Variants in DSC3 observed in about 807,000 individuals in gnomAD.
DSC3 encodes desmocollin-3.
A neutral mutation model predicts 89.5 loss-of-function variants in DSC3; 97 were observed. That is an observed-to-expected ratio of 1.08 (90% CI 0.92 to 1.28). The LOEUF (loss-of-function observed/expected upper bound fraction) is 1.28. DSC3 is among the 50% of genes most tolerant of loss of function. The pLI is 0.00. For synonymous variants in DSC3, 436 were observed against 384.1 expected (o/e 1.14, Z -1.58); for missense variants, 1,199 against 1,085.3 (o/e 1.10, Z -1.47).
In DSC3 at chr18:31,036,798, C is replaced by CTTTTTTTTTTTTTTTTTTTTTTTTTTTT. The variant is rs775187201; in HGVS notation, c.70-4523_70-4522insAAAAAAAAAAAAAAAAAAAAAAAAAAAA. On this transcript the variant is annotated intron_variant, in intron 1 of 15. Coordinates refer to ENST00000360428, the MANE Select transcript of DSC3 (RefSeq NM_001941.5). ...TATTTCCTTTTTGCTTTCTTTCTTC[C>CTTTTTTTTTTTTTTTTTTTTTTTTTTTT]TTTTTTTTTTTTGAGATGGAATCTT... Among the ~76,000 whole-genome samples the CTTTTTTTTTTTTTTTTTTTTTTTTTTTT allele has an allele frequency of 2.8e-4, 30 of 107,424 alleles. 1 individual carries two copies. Among genetic ancestry groups the CTTTTTTTTTTTTTTTTTTTTTTTTTTTT allele is most frequent in the East Asian group, 4.6e-4 (1 of 2,166 alleles). 70.5% of individuals were successfully genotyped at this position (107,424 alleles called of 152,430 possible). A position where few individuals can be genotyped will look rare whatever the true frequency, so the allele number is the denominator to read the frequency against.
intron 1 of DSC3, among the ~76,000 whole-genome samples, chr18:31,041,516 T>C (rs1598557445): frequency 6.6e-6 from 1 of 152,290 alleles, no homozygotes; most frequent in African/African-American, 2.4e-5. Flanking sequence ...CAGGAAGCAG[T>C]AAGAATCCGC....
rs1383662002 is a variant in DSC3 at position 30,989,817 on chromosome 18, T to C, written c.*4358A>G. Among the ~76,000 whole-genome samples, 2 of 152,144 alleles carry C rather than the reference T, an allele frequency of 1.3e-5. No individual in the cohort carries two copies. Among genetic ancestry groups the C allele is most frequent in the Non-Finnish European group, 2.9e-5 (2 of 68,020 alleles). On this transcript the variant is annotated 3_prime_UTR_variant, in exon 16 of 16. Coordinates refer to ENST00000360428, the MANE Select transcript of DSC3 (RefSeq NM_001941.5). ...TAAACTGTCTAAGCTGGTATTAACC[T>C]TTTTCTTAAATTAAAAATGTTATCA...
At chr18:31,032,597 C>CGT (rs1234765073) in intron 1 of DSC3, among the ~76,000 whole-genome samples, 2 of 116,178 alleles carry the variant, frequency 1.7e-5, no homozygotes, top group Non-Finnish European at 3.5e-5. Context: ...TGTGCGTGTG[C>CGT]GTGTGCGTGT....
chr18:31,038,272 A>T (rs1394997798), intron 1 of DSC3, among the ~76,000 whole-genome samples: 2 of 152,230 alleles, frequency 1.3e-5, no homozygotes, highest in African/African-American at 2.4e-5. Flanking sequence ...CATAAAGTAC[A>T]TTGTTCCATA....
Position 31,022,517 on chromosome 18 carries a change from A to C in DSC3, c.776-15T>G. 1 of 1,613,920 alleles carries C rather than the reference A, an allele frequency of 6.2e-7. No individual in the cohort carries two copies. The highest frequency in any genetic ancestry group is 8.5e-7 in the Non-Finnish European group (1 of 1,179,826). ...CACTGTAGTACCTACACATTAAAAA[A>C]TAAAACAGCCTTTAATTTACAGAAT... On this transcript the variant is annotated splice_polypyrimidine_tract_variant and intron_variant, in intron 6 of 15. Transcript: ENST00000360428.
chr18:31,007,532 C>T (rs189346231), intron 11 of DSC3, among the ~76,000 whole-genome samples: 1 of 152,170 alleles, frequency 6.6e-6, no homozygotes, highest in African/African-American at 2.4e-5. Flanking sequence ...GGCTCCACAA[C>T]CGGATATTCT....
intron 5 of DSC3, 114 bp downstream of exon 5, chr18:31,025,646 C>G (rs1237853204): frequency 1.0e-5 from 12 of 1,175,570 alleles, no homozygotes; most frequent in Admixed American, 8.9e-5. Context: ...CCCATTGACT[C>G]TAAGATACCC....
chr18:31,040,033 C>G (rs1986084335), intron 1 of DSC3, among the ~76,000 whole-genome samples: 1 of 152,040 alleles, frequency 6.6e-6, no homozygotes, highest in African/African-American at 2.4e-5. Context: ...AAAAACATCA[C>G]AAGTTTTTCT....
intron 9 of DSC3, among the ~76,000 whole-genome samples, chr18:31,012,786 G>A (rs781712082): frequency 2.0e-4 from 30 of 152,072 alleles, no homozygotes; most frequent in Non-Finnish European, 2.9e-4. Flanking sequence ...TTATAGAAAA[G>A]GAAAAACTAT....
At chr18:31,025,418 T>A (rs1280866378) in intron 5 of DSC3, among the ~76,000 whole-genome samples, 1 of 152,088 alleles carries the variant, frequency 6.6e-6, no homozygotes, top group African/African-American at 2.4e-5. Context: ...ACTGTAGACA[T>A]GTCTTGAAAT....
chr18:31,008,028 C>T lies in DSC3; in HGVS notation c.1651G>A (p.Ala551Thr), dbSNP rs142200237. The change falls in exon 11 of 16, where the codon GCA (alanine) becomes ACA (threonine). Residue 551 changes from alanine (A) to threonine (T), a missense_variant. By Grantham distance (58) the Ala-to-Thr change is moderately conservative. Coordinates refer to ENST00000360428, the MANE Select transcript of DSC3 (RefSeq NM_001941.5). ...ACTTTTTTTTTACCTTTGTCTATTG[C>T]CAGGACTGTAATATTATACAACTCA... ...KNELYNITVL[A>T]IDKDDRSCTG... The T allele has an allele frequency of 6.2e-7, 1 of 1,612,570 alleles. No individual in the cohort carries two copies. The highest frequency in any genetic ancestry group is 1.1e-5 in the South Asian group (1 of 90,984).
intron 15 of DSC3, among the ~76,000 whole-genome samples, chr18:30,995,996 A>AAAAAAAAAAAAAAAGAAAG (rs1555631968): frequency 4.4e-5 from 6 of 136,474 alleles, no homozygotes; most frequent in African/African-American, 1.5e-4. Flanking sequence ...AAAAAAAAAA[A>AAAAAAAAAAAAAAAGAAAG]AAAGAAAAGA....
chr18:31,000,716 T>A (rs1984623427), intron 14 of DSC3, among the ~76,000 whole-genome samples: 1 of 152,118 alleles, frequency 6.6e-6, no homozygotes, highest in South Asian at 2.1e-4. Flanking sequence ...CTTTAGCTAT[T>A]CTCACCGTCT....
In DSC3 at chr18:31,018,205, G is replaced by T; in HGVS notation, c.1129C>A (p.Pro377Thr). Residue 377 changes from proline (P) to threonine (T), a missense_variant, in exon 9 of 16, where the codon CCT becomes ACT. Pro to Thr is a conservative substitution (Grantham distance 38). Transcript: ENST00000360428. ...TTAATTAAATCCTTATCTTCTATAG[G>T]TATTCGTAAGATTTCCACATTGAAT... ...NAFNVEILRI[P>T]IEDKDLINTA... The T allele has an allele frequency of 1.2e-6, 2 of 1,611,464 alleles. No homozygotes were observed. Among genetic ancestry groups the T allele is most frequent in the Admixed American group, 1.7e-5 (1 of 59,936 alleles).
chr18:31,032,072 G>A (rs532793179), intron 2 of DSC3, 120 bp downstream of exon 2: 1 of 723,384 alleles, frequency 1.4e-6, no homozygotes, highest in African/African-American at 1.8e-5. Context: ...TTACTCCCTG[G>A]AGGAACATCC....
At chr18:31,004,012 T>C in intron 13 of DSC3, 130 bp downstream of exon 13, 4 of 691,836 alleles carry the variant, frequency 5.8e-6, no homozygotes, top group Admixed American at 2.5e-5. Context: ...ACTCAGGTAA[T>C]AATACAAAAG....
intron 14 of DSC3, 112 bp downstream of exon 14, chr18:31,001,506 G>A: frequency 7.9e-7 from 1 of 1,270,798 alleles, no homozygotes; most frequent in Non-Finnish European, 1.1e-6. Context: ...CTATGCCTAT[G>A]AAATCTGATT....
chr18:31,041,539 G>T (rs887449477), intron 1 of DSC3, among the ~76,000 whole-genome samples: 3 of 152,182 alleles, frequency 2.0e-5, no homozygotes, highest in African/African-American at 4.8e-5. Context: ...GACCAGACTC[G>T]GCTCACTGCC....
intron 11 of DSC3, among the ~76,000 whole-genome samples, chr18:31,007,667 T>G (rs1338276548): frequency 1.3e-5 from 2 of 152,210 alleles, no homozygotes; most frequent in Non-Finnish European, 2.9e-5. Flanking sequence ...TGACCTAATA[T>G]GCAGCTGAAC....
Sources: gnomAD v4.1 joint callset for allele counts (sites outside exome capture counted in the v4.1 genomes callset) on GRCh38, gnomAD v4.1.1 for gene constraint, MANE v1.5 for transcripts, NCBI Gene and HGNC (gene_info 2026-07-23, HGNC 2026-07-21) for gene names.